Variants in PDXK observed in about 807,000 individuals in gnomAD.
PDXK encodes pyridoxal kinase.
A neutral mutation model predicts 43.2 loss-of-function variants in PDXK; 15 were observed. The observed-to-expected ratio is 0.35, with a 90% CI of 0.23 to 0.53. The LOEUF (loss-of-function observed/expected upper bound fraction) is 0.53. Ranked by LOEUF, PDXK falls within the 20% of genes least tolerant of loss-of-function variation. The pLI is 0.92. For synonymous variants in PDXK, 172 were observed against 165.4 expected (o/e 1.04, Z -0.31); for missense variants, 343 against 417.0 (o/e 0.82, Z 1.54).
In PDXK at chr21:43,737,743, G is replaced by A. The variant is rs1225078320; in HGVS notation, c.142+3620G>A. 1 of 985,118 alleles carries A rather than the reference G, an allele frequency of 1.0e-6. No individual in the cohort carries two copies. 61.0% of individuals were successfully genotyped at this position (985,118 alleles called of 1,614,324 possible). A position where few individuals can be genotyped will look rare whatever the true frequency, so the allele number is the denominator to read the frequency against. ...AGCCTGCCGACGGACACCAGCGAGG[G>A]GCCAGGCCGGGCCAGACTCCCTGGC... is the stretch of plus-strand genomic sequence containing the variant. On this transcript the variant is annotated intron_variant, in intron 2 of 10. Transcript: ENST00000291565. The surrounding 1 kb of genome is among the most constrained non-coding windows in gnomAD (Gnocchi z 4.8).
At chr21:43,744,458 T>C (rs1342967476) in intron 4 of PDXK, 3 of 155,008 alleles carry the variant, frequency 1.9e-5, no homozygotes, top group Non-Finnish European at 4.3e-5. Context: ...CGCTGTGTAC[T>C]GTTGCCCAAA....
intron 1 of PDXK, among the ~76,000 whole-genome samples, chr21:43,722,911 C>T (rs1337188839): frequency 1.3e-5 from 2 of 152,204 alleles, no homozygotes; most frequent in Admixed American, 1.3e-4. Flanking sequence ...GATCTCGGCT[C>T]ACTGCAAGCT....
At chr21:43,744,171 G>C (rs2083596167) in intron 4 of PDXK, among the ~76,000 whole-genome samples, 1 of 151,858 alleles carries the variant, frequency 6.6e-6, no homozygotes. Context: ...GGCAGGGCCA[G>C]GCTAGGGAGT....
Position 43,732,754 on chromosome 21 carries a change from T to G in PDXK, c.88-1315T>G. The G allele has an allele frequency of 4.6e-6, 3 of 646,046 alleles. No individual in the cohort carries two copies. Among genetic ancestry groups the G allele is most frequent in the Non-Finnish European group, 8.2e-6 (3 of 366,950 alleles). 40.0% of individuals were successfully genotyped at this position (646,046 alleles called of 1,614,324 possible). On this transcript the variant is annotated intron_variant, in intron 1 of 10. Transcript: ENST00000291565. This position sits in a 1 kb window ranked among gnomAD's most constrained non-coding sequence, Gnocchi z 4.1. ...GCCCATTTTATTTTTTATTTTTATT[T>G]TTATGTTTTTTGAGACATATTCTCA...
chr21:43,722,490 T>C (rs1198705035), intron 1 of PDXK, among the ~76,000 whole-genome samples: 2 of 152,192 alleles, frequency 1.3e-5, no homozygotes, highest in African/African-American at 4.8e-5. Context: ...ATATGCAGCC[T>C]TAGGGTCATG....
At chr21:43,726,341 T>C (rs570463884) in intron 1 of PDXK, among the ~76,000 whole-genome samples, 1 of 150,288 alleles carries the variant, frequency 6.7e-6, no homozygotes, top group African/African-American at 2.5e-5. Flanking sequence ...GGCGTGATCT[T>C]GGCTCACTGC....
chr21:43,743,596 C>G, intron 3 of PDXK, 128 bp from the exon 4 acceptor site: 1 of 620,240 alleles, frequency 1.6e-6, no homozygotes, highest in Non-Finnish European at 3.0e-6. Flanking sequence ...GGGGACACCT[C>G]GCCTGCACCC....
intron 1 of PDXK, among the ~76,000 whole-genome samples, chr21:43,730,239 C>G (rs28690546): frequency 7.2e-4 from 110 of 152,192 alleles, no homozygotes; most frequent in African/African-American, 2.4e-3. Flanking sequence ...GATTCTCCTG[C>G]CTTAGCCTCC....
intron 1 of PDXK, among the ~76,000 whole-genome samples, chr21:43,733,253 A>T (rs1027533344): frequency 2.7e-4 from 15 of 56,188 alleles, no homozygotes; most frequent in Admixed American, 6.6e-4. Context: ...CCCCATCCCC[A>T]CCCCCCCCCC....
At chr21:43,751,052 T>G (rs1228893072) in intron 7 of PDXK, among the ~76,000 whole-genome samples, 1 of 152,180 alleles carries the variant, frequency 6.6e-6, no homozygotes, top group African/African-American at 2.4e-5. Context: ...TGTTTGGGAT[T>G]TGCAGGGCCA....
Position 43,756,033 on chromosome 21 carries a change from A to G in PDXK, c.909A>G (p.Pro303=), listed in dbSNP as rs780098982. 8.7e-6 allele frequency: 14 copies of G among 1,612,092 alleles called. No homozygotes were observed. Among genetic ancestry groups the G allele is most frequent in the African/African-American group, 1.3e-5 (1 of 74,908 alleles). ...AGAGCAAAAGGGACATCGAGGACCC[A>G]GAGATCGTCGTCCAGGCCACGGTGC... ...MVQSKRDIED[P]EIVVQATVL Residue 303 remains proline (P), a synonymous_variant, in exon 11 of 11, where the codon CCA becomes CCG. Coordinates refer to ENST00000291565, the MANE Select transcript of PDXK (RefSeq NM_003681.5).
intron 2 of PDXK, chr21:43,738,078 C>T (rs2083434714): frequency 2.0e-6 from 2 of 982,106 alleles, no homozygotes; most frequent in East Asian, 1.1e-4. Flanking sequence ...GGCTGAATTA[C>T]GTCCCCCCAA....
chr21:43,753,050 G>T (rs1168553528), intron 8 of PDXK, among the ~76,000 whole-genome samples: 3 of 152,192 alleles, frequency 2.0e-5, no homozygotes, highest in African/African-American at 7.2e-5. Context: ...GAACAGCTGT[G>T]ACCTCCTTGC....
chr21:43,750,390 C>T, intron 6 of PDXK, 110 bp from the exon 7 acceptor site: 1 of 948,970 alleles, frequency 1.1e-6, no homozygotes, highest in Non-Finnish European at 1.6e-6. Context: ...AGTTAGCTGC[C>T]TGTGGGGATG....
chr21:43,742,307 G>C (rs978936164), intron 3 of PDXK, among the ~76,000 whole-genome samples: 3 of 152,130 alleles, frequency 2.0e-5, no homozygotes, highest in East Asian at 1.9e-4. Flanking sequence ...AACATCCCAA[G>C]TAGCTGGGAG....
chr21:43,736,620 CCTTTTT>C (rs1382909392), intron 2 of PDXK, among the ~76,000 whole-genome samples: 1 of 146,800 alleles, frequency 6.8e-6, no homozygotes, highest in Non-Finnish European at 1.5e-5. Flanking sequence ...TTTTCCTTTT[CCTTTTT>C]CTGTTTTTTT....
At chr21:43,743,072 G>C (rs1266140143) in intron 3 of PDXK, among the ~76,000 whole-genome samples, 6 of 145,392 alleles carry the variant, frequency 4.1e-5, no homozygotes, top group African/African-American at 7.7e-5. Context: ...CCCAGCTCCT[G>C]AGCACTGTGG....
chr21:43,744,587 A>G (rs1264073116), intron 4 of PDXK: 1 of 152,300 alleles, frequency 6.6e-6, no homozygotes, highest in Non-Finnish European at 1.5e-5. Flanking sequence ...AGCACCTCAC[A>G]GCAATTAGGA....
chr21:43,722,657 A>G (rs1427206747), intron 1 of PDXK, among the ~76,000 whole-genome samples: 1 of 150,026 alleles, frequency 6.7e-6, no homozygotes, highest in East Asian at 2.0e-4. Context: ...GGCCTCTTCC[A>G]GCTCTCGGTG....
Sources: allele counts gnomAD v4.1 joint callset (sites outside exome capture counted in the v4.1 genomes callset), GRCh38; gene constraint gnomAD v4.1.1; non-coding constraint Gnocchi (gnomAD v3.1); transcripts MANE v1.5; gene names NCBI Gene and HGNC (gene_info 2026-07-23, HGNC 2026-07-21).